The following FUT8 variants were observed in gnomAD, a reference collection of about 807,000 sequenced individuals.
The protein encoded by FUT8 is fucosyltransferase 8, also known as alpha-(1,6)-fucosyltransferase.
FUT8 carries 29 observed loss-of-function variants against 71.3 expected under a neutral mutation model. The ratio of observed to expected loss-of-function variants is 0.41; its 90% CI spans 0.30 to 0.55. The LOEUF is 0.55. Among genes scored for constraint, FUT8 ranks in the 20% least tolerant of loss-of-function variants. FUT8 has a pLI of 0.34. For missense variants in FUT8, 544 were observed against 702.1 expected (o/e 0.77, Z 2.55); for synonymous variants, 254 against 239.3 (o/e 1.06, Z -0.57).
chr14:65,411,785 C>A (rs2065127535), upstream of FUT8: 2 of 334,762 alleles, frequency 6.0e-6, no homozygotes, highest in Non-Finnish European at 1.2e-5. Flanking sequence ...GCTCATCTTC[C>A]GGCCCTCTGA....
chr14:65,412,795 G>C lies in FUT8; in HGVS notation c.-745G>C, dbSNP rs1438706257. 1 of 169,300 alleles carries C rather than the reference G, an allele frequency of 5.9e-6. No homozygotes were observed. Among genetic ancestry groups the C allele is most frequent in the Non-Finnish European group, 1.3e-5 (1 of 79,456 alleles). 10.5% of individuals were successfully genotyped at this position (169,300 alleles called of 1,614,324 possible). On this transcript the variant is annotated 5_prime_UTR_variant, in exon 1 of 11. Coordinates refer to ENST00000673929, the MANE Select transcript of FUT8 (RefSeq NM_001371533.1). ...CTGCGCTCGTTGTCAGAGCCGCTCC[G>C]GCGCGTGCGCGCGTTATCTCCGGCC...
chr14:65,603,305 T>TG lies in FUT8; in HGVS notation c.204-12670dup, dbSNP rs1226182008. On this transcript the variant is annotated intron_variant, in intron 3 of 10. Transcript: ENST00000673929. This position sits in a 1 kb window ranked among gnomAD's most constrained non-coding sequence, Gnocchi z 4.5. The stretch of plus-strand genomic sequence containing the variant: ...GGCTGTAAGTATTTGGGTTTTTTTC[T>TG]GGGTTCTCTATTCTGTTCAGTTGGT... Among the ~76,000 whole-genome samples the TG allele has an allele frequency of 6.6e-6, 1 of 151,852 alleles. No individual in the cohort carries two copies. The highest frequency in any genetic ancestry group is 2.4e-5 in the African/African-American group (1 of 41,386).
intron 7 of FUT8, among the ~76,000 whole-genome samples, chr14:65,703,448 C>T (rs905808189): frequency 6.6e-6 from 1 of 152,152 alleles, no homozygotes; most frequent in Non-Finnish European, 1.5e-5. Context: ...AATACCTTTA[C>T]ACTATTTGTT....
rs1037207347 is a variant in FUT8 at position 65,423,608 on chromosome 14, T to C, written c.-326+10394T>C. 2.6e-5 allele frequency among the ~76,000 whole-genome samples: 4 copies of C among 152,168 alleles called. No homozygotes were observed. In the South Asian group the frequency reaches 6.2e-4, roughly 24 times the overall value. On this transcript the variant is annotated intron_variant, in intron 1 of 10. Coordinates refer to ENST00000673929, the MANE Select transcript of FUT8 (RefSeq NM_001371533.1). ...GTCATCTGGAAAGTCGTCTGCTGCC[T>C]CTTGGTTGGCAGAAGCTGCTTCTCC... is the stretch of plus-strand genomic sequence containing the variant.
chr14:65,421,735 A>ACCCCCCCC (rs377291691), intron 1 of FUT8, among the ~76,000 whole-genome samples: 5 of 34,352 alleles, frequency 1.5e-4, no homozygotes, highest in African/African-American at 3.4e-4. Context: ...AAACCCTTTA[A>ACCCCCCCC]CCCACCCCCC....
At chr14:65,424,524 T>TTTTTC (rs1315097964) in intron 1 of FUT8, among the ~76,000 whole-genome samples, 10 of 150,488 alleles carry the variant, frequency 6.6e-5, no homozygotes, top group African/African-American at 1.2e-4. Context: ...TTACTTTCTA[T>TTTTTC]TTTTCTTTTC....
At chr14:65,412,004 T>A (rs1386129503), upstream of FUT8, 2 of 456,534 alleles carry the variant, frequency 4.4e-6, no homozygotes, top group Non-Finnish European at 8.8e-6. Flanking sequence ...GTAGGACGCA[T>A]CCTAGGGCAA....
At chr14:65,723,823 G>T (rs1333182942) in intron 8 of FUT8, among the ~76,000 whole-genome samples, 1 of 152,280 alleles carries the variant, frequency 6.6e-6, no homozygotes, top group African/African-American at 2.4e-5. Flanking sequence ...TTTCCAGACA[G>T]CTGGTTGCTG....
chr14:65,401,624 A>G, the FUT8 span, among the ~76,000 whole-genome samples: 1 of 152,168 alleles, frequency 6.6e-6, no homozygotes, highest in East Asian at 1.9e-4. Flanking sequence ...AAGGCTGGGC[A>G]TGGTGGCTCA....
chr14:65,680,261 G>T (rs1189002320), intron 7 of FUT8, among the ~76,000 whole-genome samples: 3 of 152,202 alleles, frequency 2.0e-5, no homozygotes, highest in Non-Finnish European at 4.4e-5. Context: ...AACCAGGAGT[G>T]CCAGTGGCAG....
intron 10 of FUT8, among the ~76,000 whole-genome samples, chr14:65,739,432 G>T (rs535569617): frequency 6.6e-6 from 1 of 152,160 alleles, no homozygotes; most frequent in South Asian, 2.1e-4. Flanking sequence ...AACAACTCTT[G>T]ATAGCAAAAC....
intron 2 of FUT8, among the ~76,000 whole-genome samples, chr14:65,537,965 G>A (rs937833754): frequency 2.6e-5 from 4 of 152,162 alleles, no homozygotes; most frequent in African/African-American, 7.2e-5. Context: ...ATGTGCCAGC[G>A]GCAGTGGCAA....
rs535513052 is a variant in FUT8, at chr14:65,514,708, T to C, written c.-227-46629T>C. Among the ~76,000 whole-genome samples the C allele has an allele frequency of 6.6e-4, 100 of 152,118 alleles. 1 individual carries two copies. The highest frequency in any genetic ancestry group is 2.4e-4 in the Non-Finnish European group (16 of 67,970). ...AATCACTTCTTTTTTTTTTTTTAAA[T>C]TTATTTTTTTATGATACTTTAAGTT... On this transcript the variant is annotated intron_variant, in intron 2 of 10. Coordinates refer to ENST00000673929, the MANE Select transcript of FUT8 (RefSeq NM_001371533.1).
upstream of FUT8, among the ~76,000 whole-genome samples, chr14:65,406,143 G>A (rs138816172): frequency 9.8e-5 from 15 of 152,356 alleles, no homozygotes; most frequent in African/African-American, 3.4e-4. Context: ...CTATCCTAAT[G>A]CATAAAAATG....
chr14:65,435,234 G>A (rs1321602245), intron 1 of FUT8, among the ~76,000 whole-genome samples: 3 of 151,882 alleles, frequency 2.0e-5, no homozygotes, highest in African/African-American at 4.8e-5. Context: ...TATATACATC[G>A]TTGTTATGTT....
intron 6 of FUT8, among the ~76,000 whole-genome samples, chr14:65,659,073 A>T (rs1402282392): frequency 3.9e-5 from 6 of 152,134 alleles, no homozygotes; most frequent in African/African-American, 1.4e-4. Context: ...TCAAAATAAA[A>T]GTAAAAAAAT....
At chr14:65,588,087 A>G (rs895802169) in intron 3 of FUT8, among the ~76,000 whole-genome samples, 4 of 152,144 alleles carry the variant, frequency 2.6e-5, no homozygotes, top group African/African-American at 9.7e-5. Context: ...TAAAACAAAC[A>G]TTATTTTAGA....
chr14:65,424,097 T>G (rs1228979634), intron 1 of FUT8, among the ~76,000 whole-genome samples: 1 of 152,234 alleles, frequency 6.6e-6, no homozygotes, highest in Non-Finnish European at 1.5e-5. Flanking sequence ...TAGGTGTCAT[T>G]TGAGGTTTAT....
At chr14:65,381,854 T>G in the FUT8 span, among the ~76,000 whole-genome samples, 1 of 152,282 alleles carries the variant, frequency 6.6e-6, no homozygotes, top group South Asian at 2.1e-4. Context: ...CCAGCAACAC[T>G]TTCTCTCCAC....
Sources: allele counts gnomAD v4.1 joint callset (sites outside exome capture counted in the v4.1 genomes callset), GRCh38; gene constraint gnomAD v4.1.1; non-coding constraint Gnocchi (gnomAD v3.1); transcripts MANE v1.5; gene names NCBI Gene and HGNC (gene_info 2026-07-23, HGNC 2026-07-21).